The following KDM7A variants were observed in gnomAD, a reference collection of about 807,000 sequenced individuals.
KDM7A encodes the protein lysine demethylase 7A, also known as lysine-specific demethylase 7A.
In KDM7A, 28 loss-of-function variants were observed where a neutral mutation model predicts 114.8. The observed-to-expected ratio is 0.24, with a 90% CI of 0.18 to 0.33. KDM7A has a LOEUF of 0.33. Among genes scored for constraint, KDM7A ranks in the 10% least tolerant of loss-of-function variants. KDM7A has a pLI of 1.00. For missense variants in KDM7A, 942 were observed against 1,142.5 expected (o/e 0.82, Z 2.53); for synonymous variants, 423 against 397.8 (o/e 1.06, Z -0.75).
At chr7:140,125,686 C>A (rs60505026) in intron 6 of KDM7A, among the ~76,000 whole-genome samples, 8,740 of 151,692 alleles carry the variant, frequency 0.058, 252 homozygotes, top group East Asian at 0.13. Context: ...CCTGCCTCAG[C>A]CTCTTGAGTA....
At chr7:140,123,588 GAAAATCC>G (rs1818649560) in intron 7 of KDM7A, among the ~76,000 whole-genome samples, 1 of 152,196 alleles carries the variant, frequency 6.6e-6, no homozygotes, top group East Asian at 1.9e-4. Flanking sequence ...TCCCTAATCT[GAAAATCC>G]AAAATCCAAA....
At chr7:140,107,217 C>T (rs1025612807) in intron 11 of KDM7A, among the ~76,000 whole-genome samples, 1 of 152,100 alleles carries the variant, frequency 6.6e-6, no homozygotes, top group Non-Finnish European at 1.5e-5. Flanking sequence ...GGTCTTGACT[C>T]TTTATCCTAT....
intron 1 of KDM7A, among the ~76,000 whole-genome samples, chr7:140,159,891 T>A: frequency 6.6e-6 from 1 of 151,800 alleles, no homozygotes; most frequent in Non-Finnish European, 1.5e-5. Context: ...AGCCTCCTGC[T>A]TTGTATAGCC....
chr7:140,136,582 T>TA (rs1468719048), intron 2 of KDM7A, among the ~76,000 whole-genome samples: 1 of 152,216 alleles, frequency 6.6e-6, no homozygotes, highest in African/African-American at 2.4e-5. Context: ...TGCCCTCAAA[T>TA]AGAGTTCTTA....
chr7:140,113,266 ACTTT>A (rs1239964893), intron 10 of KDM7A, among the ~76,000 whole-genome samples: 2 of 152,254 alleles, frequency 1.3e-5, no homozygotes, highest in Non-Finnish European at 2.9e-5. Flanking sequence ...TACTTGAATT[ACTTT>A]CTTTTCCAGA....
chr7:140,115,179 G>T (rs1039369459), intron 9 of KDM7A, among the ~76,000 whole-genome samples: 1 of 149,760 alleles, frequency 6.7e-6, no homozygotes, highest in African/African-American at 2.5e-5. Context: ...GAGGTGGGGG[G>T]CAGCCCCCAC....
intron 1 of KDM7A, among the ~76,000 whole-genome samples, chr7:140,166,769 C>T (rs976330886): frequency 2.0e-5 from 3 of 152,220 alleles, no homozygotes; most frequent in East Asian, 3.9e-4. Flanking sequence ...CAACTCTATA[C>T]GAGAGGTATA....
Position 140,091,078 on chromosome 7 carries a change from T to C in KDM7A, c.*16A>G. The C allele has an allele frequency of 6.3e-7, 1 of 1,591,482 alleles. No individual in the cohort carries two copies. Among genetic ancestry groups the C allele is most frequent in the Non-Finnish European group, 8.6e-7 (1 of 1,159,202 alleles). On this transcript the variant is annotated 3_prime_UTR_variant, in exon 20 of 20. Coordinates refer to ENST00000397560, the MANE Select transcript of KDM7A (RefSeq NM_030647.2). Reference sequence around the variant, plus strand: ...ACTGGTCTCCAAAGGGAAGAATGGCTGCAACAGCAGCTCTGTCACACAAAG... The same window carrying C: ...ACTGGTCTCCAAAGGGAAGAATGGCCGCAACAGCAGCTCTGTCACACAAAG...
intron 9 of KDM7A, among the ~76,000 whole-genome samples, chr7:140,113,935 T>C (rs966379337): frequency 3.3e-5 from 5 of 152,118 alleles, no homozygotes; most frequent in African/African-American, 1.2e-4. Flanking sequence ...CATGAGCCAC[T>C]GTATCTGGCC....
At position 140,085,489 on chromosome 7, in the gene KDM7A, C is replaced by T. The variant is rs1480421531; in HGVS notation, c.*5605G>A. The T allele has an allele frequency of 1.3e-5, 2 of 152,138 alleles. No individual in the cohort carries two copies. The highest frequency in any genetic ancestry group is 4.8e-5 in the African/African-American group (2 of 41,416). The allele number at this position is 152,138 out of a possible 1,614,324, so 9.4% of individuals were successfully genotyped here. ...TATAATCTCTTAAAATGAACCTTTT[C>T]ACCCTCTTTCCACAGCATGAAACTG... On this transcript the variant is annotated 3_prime_UTR_variant, in exon 20 of 20. Coordinates refer to ENST00000397560, the MANE Select transcript of KDM7A (RefSeq NM_030647.2).
chr7:140,111,137 T>G lies in KDM7A; in HGVS notation c.1386A>C (p.Gly462=), dbSNP rs200907770. 4 of 1,608,256 alleles carry G rather than the reference T, an allele frequency of 2.5e-6. No homozygotes were observed. ...CTTTAGAAAGTTCTTTAATAAGGTG[T>G]CCAGGTCTAACATTGTCTGGAATTT... is the stretch of plus-strand genomic sequence containing the variant. ...AFEIPDNVRP[G]HLIKELSKVI... is the part of the protein sequence containing the mutation. Residue 462 remains glycine, a synonymous_variant, in exon 11 of 20, where the codon GGA becomes GGC. Transcript: ENST00000397560.
In KDM7A at chr7:140,096,221, T is replaced by G. The variant is rs116624916; in HGVS notation, c.2374+334A>C. 5.7e-3 allele frequency among the ~76,000 whole-genome samples: 863 copies of G among 152,340 alleles called. 12 individuals are homozygous for G. The highest frequency in any genetic ancestry group is 0.019 in the African/African-American group (796 of 41,576). ...TCTCATAAAAGGAAAAAGGGCTGAT[T>G]GTTCAAGCTTAGTTGGCCATTTAAG... On this transcript the variant is annotated intron_variant, in intron 17 of 19. Coordinates refer to ENST00000397560, the MANE Select transcript of KDM7A (RefSeq NM_030647.2).
chr7:140,114,499 GCGTGATCTCGGCTCGCTACAACCTCCA>G, intron 9 of KDM7A, among the ~76,000 whole-genome samples: 1 of 152,286 alleles, frequency 6.6e-6, no homozygotes, highest in East Asian at 1.9e-4. Context: ...GAGTGCAGTG[GCGTGATCTCGGCTCGCTACAACCTCCA>G]CCTCCCAGCC....
Position 140,099,931 on chromosome 7 carries a change from T to C in KDM7A, c.1731A>G (p.Leu577=). ...VPEWRAKDND[L]RLLLTNGRII... ...TTCTTCCATTTGTCAGCAGTAATCGTAGATCATTATCTTTCGCTCTCCATT... is the reference window on the plus strand; with the variant it reads ...TTCTTCCATTTGTCAGCAGTAATCGCAGATCATTATCTTTCGCTCTCCATT... The change falls in exon 13 of 20, where the codon CTA becomes CTG. Residue 577 remains leucine, a synonymous_variant. Transcript: ENST00000397560. 1 of 1,611,690 alleles carries C rather than the reference T, an allele frequency of 6.2e-7. No individual in the cohort carries two copies. Among genetic ancestry groups the C allele is most frequent in the African/African-American group, 1.3e-5 (1 of 75,032 alleles).
chr7:140,167,372 T>G (rs1444998103), intron 1 of KDM7A, among the ~76,000 whole-genome samples: 1 of 152,088 alleles, frequency 6.6e-6, no homozygotes, highest in Non-Finnish European at 1.5e-5. Context: ...CCTCTGTAAT[T>G]AAAACACTGT....
At chr7:140,140,396 C>T (rs1206777610) in intron 1 of KDM7A, among the ~76,000 whole-genome samples, 1 of 152,170 alleles carries the variant, frequency 6.6e-6, no homozygotes, top group Non-Finnish European at 1.5e-5. Flanking sequence ...AACCTCTTAG[C>T]AAGCTTAGAG....
intron 12 of KDM7A, 131 bp from the exon 13 acceptor site, chr7:140,100,154 G>A (rs973992418): frequency 1.2e-6 from 1 of 867,546 alleles, no homozygotes; most frequent in Non-Finnish European, 1.8e-6. Flanking sequence ...CCTGGGCTTG[G>A]GGATATGCAG....
intron 11 of KDM7A, among the ~76,000 whole-genome samples, chr7:140,109,469 C>G (rs1172774617): frequency 6.6e-6 from 1 of 152,186 alleles, no homozygotes; most frequent in Non-Finnish European, 1.5e-5. Context: ...CACACTTTAT[C>G]TATTCACCTG....
In KDM7A at chr7:140,085,604, T is replaced by C. The variant is rs1455278940; in HGVS notation, c.*5490A>G. 6.6e-6 allele frequency: 1 copy of C among 152,250 alleles called. No homozygotes were observed. Among genetic ancestry groups the C allele is most frequent in the Non-Finnish European group, 1.5e-5 (1 of 68,040 alleles). The allele number at this position is 152,250 out of a possible 1,614,324, so 9.4% of individuals were successfully genotyped here. On this transcript the variant is annotated 3_prime_UTR_variant, in exon 20 of 20. Coordinates refer to ENST00000397560, the MANE Select transcript of KDM7A (RefSeq NM_030647.2). ...GCATTTCCTGATCAGTGCTATTTCA[T>C]ACCTAACAACTGTATGACTTGCTTT...
Sources: gnomAD v4.1 joint callset for allele counts (sites outside exome capture counted in the v4.1 genomes callset) on GRCh38, gnomAD v4.1.1 for gene constraint, MANE v1.5 for transcripts, NCBI Gene and HGNC (gene_info 2026-07-23, HGNC 2026-07-21) for gene names.